LRRC8B: variants seen among roughly 807,000 people sequenced by gnomAD.
LRRC8B encodes the protein leucine rich repeat containing 8 VRAC subunit B, also known as volume-regulated anion channel subunit LRRC8B.
LRRC8B carries 23 observed loss-of-function variants against 58.8 expected under a neutral mutation model. The ratio of observed to expected loss-of-function variants is 0.39; its 90% CI spans 0.28 to 0.55. The LOEUF (loss-of-function observed/expected upper bound fraction) is 0.55, where lower values mean the gene tolerates loss of function less well. Ranked by LOEUF, LRRC8B falls within the 20% of genes least tolerant of loss-of-function variation. The probability of loss-of-function intolerance (pLI) is 0.62; values close to 1 mark genes in which losing one functional copy is unlikely to be tolerated. For synonymous variants in LRRC8B, 359 were observed against 374.1 expected (o/e 0.96, Z 0.47); for missense variants, 694 against 936.0 (o/e 0.74, Z 3.37).
At chr1:89,538,301 A>C (rs1041062899) in intron 1 of LRRC8B, among the ~76,000 whole-genome samples, 1 of 152,240 alleles carries the variant, frequency 6.6e-6, no homozygotes, top group Non-Finnish European at 1.5e-5. Context: ...AGAGGTCTTG[A>C]AGTGGGAAGA....
chr1:89,597,207 G>T lies in LRRC8B; in HGVS notation c.*4164G>T, dbSNP rs999182196. 1 of 152,118 alleles carries T rather than the reference G, an allele frequency of 6.6e-6. No homozygotes were observed. Among genetic ancestry groups the T allele is most frequent in the Non-Finnish European group, 1.5e-5 (1 of 67,994 alleles). The allele number at this position is 152,118 out of a possible 1,614,324, so 9.4% of individuals were successfully genotyped here. A position where few individuals can be genotyped will look rare whatever the true frequency, so the allele number is the denominator to read the frequency against. On this transcript the variant is annotated 3_prime_UTR_variant, in exon 6 of 6. Transcript: ENST00000330947. ...TATCTACTACATACCTTTGGTAACA[G>T]GCTACATTCTCTTCAGATTTTTTAT...
intron 1 of LRRC8B, among the ~76,000 whole-genome samples, chr1:89,528,273 A>G (rs1399607281): frequency 6.6e-6 from 1 of 152,230 alleles, no homozygotes; most frequent in African/African-American, 2.4e-5. Context: ...AGCTCCATGC[A>G]GGTGACTGAG....
intron 1 of LRRC8B, among the ~76,000 whole-genome samples, chr1:89,544,871 G>A (rs1651285392): frequency 6.6e-6 from 1 of 152,198 alleles, no homozygotes; most frequent in South Asian, 2.1e-4. Context: ...CATTGAGAAT[G>A]TCCTAGGAGA....
At chr1:89,555,315 C>G (rs1173095658) in intron 1 of LRRC8B, among the ~76,000 whole-genome samples, 2 of 152,092 alleles carry the variant, frequency 1.3e-5, no homozygotes, top group East Asian at 3.9e-4. Context: ...TGATGGGGCT[C>G]AAATGGAGTC....
In LRRC8B at chr1:89,597,224, A is replaced by G. The variant is rs957709847; in HGVS notation, c.*4181A>G. 10 of 152,152 alleles carry G rather than the reference A, an allele frequency of 6.6e-5. No homozygotes were observed. Among genetic ancestry groups the G allele is most frequent in the Non-Finnish European group, 1.3e-4 (9 of 68,018 alleles). The allele number at this position is 152,152 out of a possible 1,614,324, so 9.4% of individuals were successfully genotyped here. A position where few individuals can be genotyped will look rare whatever the true frequency, so the allele number is the denominator to read the frequency against. ...TGGTAACAGGCTACATTCTCTTCAG[A>G]TTTTTTATATGAATAATTTCATCAG... is the stretch of plus-strand genomic sequence containing the variant. On this transcript the variant is annotated 3_prime_UTR_variant, in exon 6 of 6. Coordinates refer to ENST00000330947, the MANE Select transcript of LRRC8B (RefSeq NM_001369817.2).
At position 89,596,511 on chromosome 1, in the gene LRRC8B, G is replaced by A. The variant is rs1355007219; in HGVS notation, c.*3468G>A. ...AAGTGTTTTGTGATTAAAATTTTAT[G>A]TTTAATTAAAATATTGCATAATATT... On this transcript the variant is annotated 3_prime_UTR_variant, in exon 6 of 6. Transcript: ENST00000330947. The A allele has an allele frequency of 5.3e-5, 8 of 151,966 alleles. No individual in the cohort carries two copies. Among genetic ancestry groups the A allele is most frequent in the Admixed American group, 4.6e-4 (7 of 15,264 alleles). 9.4% of individuals were successfully genotyped at this position (151,966 alleles called of 1,614,324 possible).
intron 1 of LRRC8B, among the ~76,000 whole-genome samples, chr1:89,543,466 TTATTC>T (rs1432650126): frequency 4.2e-4 from 64 of 152,198 alleles, no homozygotes; most frequent in African/African-American, 1.3e-3. Context: ...AAGAAAAAAT[TTATTC>T]TAATATTATC....
chr1:89,538,708 G>A lies in LRRC8B; in HGVS notation c.-241+13686G>A, dbSNP rs146453541. On this transcript the variant is annotated intron_variant, in intron 1 of 5. Coordinates refer to ENST00000330947, the MANE Select transcript of LRRC8B (RefSeq NM_001369817.2). ...TTTAAAGGTTTAAATTAGCATCTTC[G>A]AGGTTTTTTTTTGTTTGTTTGTTTG... Among the ~76,000 whole-genome samples, 35 of 148,854 alleles carry A rather than the reference G, an allele frequency of 2.4e-4. 1 individual carries two copies. Among genetic ancestry groups the A allele is most frequent in the African/African-American group, 7.7e-4 (32 of 41,302 alleles).
At chr1:89,540,812 G>A (rs912882335) in intron 1 of LRRC8B, among the ~76,000 whole-genome samples, 1 of 152,192 alleles carries the variant, frequency 6.6e-6, no homozygotes, top group African/African-American at 2.4e-5. Context: ...TGAAGTAGAG[G>A]AGACTAGTAG....
chr1:89,547,796 C>T (rs1160945454), intron 1 of LRRC8B, among the ~76,000 whole-genome samples: 1 of 148,246 alleles, frequency 6.7e-6, no homozygotes, highest in African/African-American at 2.5e-5. Context: ...AAGCTTTCTT[C>T]ATAGTGGGCG....
intron 1 of LRRC8B, among the ~76,000 whole-genome samples, chr1:89,537,387 G>A (rs1239152624): frequency 6.6e-6 from 1 of 152,244 alleles, no homozygotes; most frequent in Non-Finnish European, 1.5e-5. Flanking sequence ...CAAGGTGACA[G>A]TGATGAGAGG....
In LRRC8B at chr1:89,554,399, C is replaced by T. The variant is rs115036741; in HGVS notation, c.-240-13848C>T. Among the ~76,000 whole-genome samples the T allele has an allele frequency of 1.7e-3, 266 of 152,288 alleles. 1 individual carries two copies. Among genetic ancestry groups the T allele is most frequent in the African/African-American group, 6.2e-3 (256 of 41,554 alleles). The stretch of plus-strand genomic sequence containing the variant: ...TGTACAGTGACTATTGTTCTTCTAG[C>T]ATGTATTACTTTAAGATGTAACTGT... On this transcript the variant is annotated intron_variant, in intron 1 of 5. Coordinates refer to ENST00000330947, the MANE Select transcript of LRRC8B (RefSeq NM_001369817.2).
Position 89,592,887 on chromosome 1 carries a change from T to C in LRRC8B, c.2256T>C (p.His752=), listed in dbSNP as rs1655076487. The change falls in exon 6 of 6, where the codon CAT becomes CAC. Residue 752 remains histidine (H), a synonymous_variant. Transcript: ENST00000330947. ...TGGGTGAGCTGTCAAACCTTACTCA[T>C]CTGGAGCTCATTGGTAATTACCTGG... ...PHVGELSNLT[H]LELIGNYLET... 6.2e-7 allele frequency: 1 copy of C among 1,614,114 alleles called. No individual in the cohort carries two copies.
At chr1:89,572,116 A>G (rs1653516619) in intron 3 of LRRC8B, among the ~76,000 whole-genome samples, 1 of 152,158 alleles carries the variant, frequency 6.6e-6, no homozygotes, top group Admixed American at 6.5e-5. Flanking sequence ...ATTTGGCCAG[A>G]TATGAAATTC....
intron 1 of LRRC8B, among the ~76,000 whole-genome samples, chr1:89,526,545 C>T (rs1349236781): frequency 2.6e-5 from 4 of 152,172 alleles, no homozygotes; most frequent in Non-Finnish European, 5.9e-5. Flanking sequence ...CTTTCTTTTT[C>T]TCCTGGCTTT....
Position 89,593,683 on chromosome 1 carries a change from C to G in LRRC8B, c.*640C>G, listed in dbSNP as rs953132525. On this transcript the variant is annotated 3_prime_UTR_variant, in exon 6 of 6. Transcript: ENST00000330947. ...CAAGATTGTATAGGTATTCTCTCCT[C>G]TTCTTCCCCCAGTCCCCATTACTTA... The G allele has an allele frequency of 6.6e-6, 1 of 152,216 alleles. No homozygotes were observed. Among genetic ancestry groups the G allele is most frequent in the African/African-American group, 2.4e-5 (1 of 41,450 alleles). 9.4% of individuals were successfully genotyped at this position (152,216 alleles called of 1,614,324 possible).
chr1:89,582,970 C>G lies in LRRC8B; in HGVS notation c.320C>G (p.Ala107Gly), dbSNP rs766170276. ...CGACAGCAGTACTCCTATATTGATGCCGTCTGTTACGAGAAACAGCTCCAT... is the reference window on the plus strand; with the variant it reads ...CGACAGCAGTACTCCTATATTGATGGCGTCTGTTACGAGAAACAGCTCCAT... The part of the protein sequence containing the change: ...LHRQQYSYID[A>G]VCYEKQLHWF... Residue 107 changes from alanine to glycine, a missense_variant, in exon 5 of 6, where the codon GCC becomes GGC. Ala to Gly is a moderately conservative substitution (Grantham distance 60). Coordinates refer to ENST00000330947, the MANE Select transcript of LRRC8B (RefSeq NM_001369817.2). 13 of 1,614,208 alleles carry G rather than the reference C, an allele frequency of 8.1e-6. No homozygotes were observed. Among genetic ancestry groups the G allele is most frequent in the Middle Eastern group, 1.6e-4 (1 of 6,062 alleles).
Position 89,584,055 on chromosome 1 carries a change from C to T in LRRC8B, c.1405C>T (p.Arg469Cys), listed in dbSNP as rs377682263. ...ACAGCTGGTCAACCTCAAGGAGCTT[C>T]GTGTGTACCATTCATCTCTGGTCGT... Reference protein sequence around the residue: ...VSQLVNLKELRVYHSSLVVDH... With the variant: ...VSQLVNLKELCVYHSSLVVDH... The change falls in exon 5 of 6, where the codon CGT becomes TGT. Residue 469 changes from arginine (R) to cysteine (C), a missense_variant. Around this residue, in one of 5 missense-constraint regions of LRRC8B, gnomAD observed 162 missense variants for 198.5 expected, o/e 0.82. Coordinates refer to ENST00000330947, the MANE Select transcript of LRRC8B (RefSeq NM_001369817.2). The T allele has an allele frequency of 3.1e-6, 5 of 1,614,024 alleles. No homozygotes were observed. Among genetic ancestry groups the T allele is most frequent in the African/African-American group, 2.7e-5 (2 of 74,930 alleles).
At chr1:89,586,480 CT>C (rs1185093880) in intron 5 of LRRC8B, among the ~76,000 whole-genome samples, 1 of 152,108 alleles carries the variant, frequency 6.6e-6, no homozygotes, top group Non-Finnish European at 1.5e-5. Context: ...AAAGTCGGAG[CT>C]TATTCAATTG....
Sources: gnomAD v4.1 joint callset for allele counts (sites outside exome capture counted in the v4.1 genomes callset) on GRCh38, gnomAD v4.1.1 for gene constraint, gnomAD v4.1.1 regional missense constraint, MANE v1.5 for transcripts, NCBI Gene and HGNC (gene_info 2026-07-23, HGNC 2026-07-21) for gene names.